Variants in SMCHD1 observed in about 807,000 individuals in gnomAD.
SMCHD1 encodes structural maintenance of chromosomes flexible hinge domain containing 1, also known as structural maintenance of chromosomes flexible hinge domain-containing protein 1.
Under a neutral mutation model 254.7 loss-of-function variants are expected in SMCHD1, and 78 were observed. The ratio of observed to expected loss-of-function variants is 0.31; its 90% CI spans 0.26 to 0.37. The LOEUF (loss-of-function observed/expected upper bound fraction) is 0.37, where lower values mean the gene tolerates loss of function less well. Ranked by LOEUF, SMCHD1 falls within the 10% of genes least tolerant of loss-of-function variation. The pLI is 1.00. For synonymous variants in SMCHD1, 766 were observed against 794.9 expected, an observed-to-expected ratio of 0.96 and a Z score of 0.61; for missense variants, 1,840 against 2,408.1, an observed-to-expected ratio of 0.76 and a Z score of 4.94.
chr18:2,660,302 G>T (rs1360776677), intron 1 of SMCHD1, among the ~76,000 whole-genome samples: 1 of 152,074 alleles, frequency 6.6e-6, no homozygotes, highest in Non-Finnish European at 1.5e-5. Context: ...TCTAGCCTGG[G>T]TGGCAGAGCG....
At chr18:2,694,935 T>G (rs572860656) in intron 8 of SMCHD1, among the ~76,000 whole-genome samples, 1 of 152,336 alleles carries the variant, frequency 6.6e-6, no homozygotes, top group East Asian at 1.9e-4. Context: ...TTTGACAATA[T>G]TATAAAATTA....
chr18:2,732,420 T>G lies in SMCHD1; in HGVS notation c.3204T>G (p.Asn1068Lys). 6.2e-7 allele frequency: 1 copy of G among 1,613,060 alleles called. No homozygotes were observed. The highest frequency in any genetic ancestry group is 1.1e-5 in the South Asian group (1 of 91,052). ...GGATAGCGGGTGATATTATGCATAA[T>G]CTTATTTTTCAAATGTATGATGAAG... is the stretch of plus-strand genomic sequence containing the variant. ...VNWIAGDIMH[N>K]LIFQMYDEGE... The change falls in exon 25 of 48, where the codon AAT becomes AAG. Residue 1068 changes from asparagine to lysine, a missense_variant. Around this residue, in one of 9 missense-constraint regions of SMCHD1, gnomAD observed 881 missense variants for 1,009.5 expected, o/e 0.87. Transcript: ENST00000320876.
chr18:2,790,988 C>T (rs2076310303), intron 45 of SMCHD1, among the ~76,000 whole-genome samples: 1 of 151,952 alleles, frequency 6.6e-6, no homozygotes, highest in African/African-American at 2.4e-5. Flanking sequence ...GATTGTGTAA[C>T]AGTATACCTA....
chr18:2,782,298 G>T (rs1598440720), intron 44 of SMCHD1, among the ~76,000 whole-genome samples: 1 of 152,052 alleles, frequency 6.6e-6, no homozygotes, highest in Non-Finnish European at 1.5e-5. Context: ...CAAGGTTGAG[G>T]GAGAATTGAG....
In SMCHD1 at chr18:2,688,421, A is replaced by T. The variant is rs1335936592; in HGVS notation, c.666A>T (p.Val222=). The change falls in exon 6 of 48, where the codon GTA becomes GTT. Residue 222 remains valine, a synonymous_variant. Coordinates refer to ENST00000320876, the MANE Select transcript of SMCHD1 (RefSeq NM_015295.3). Reference sequence around the variant, plus strand: ...ATCATTCAGGATATGTTCGTCCAGTACCAGTGCCACGCAGTTTAAATAGTG... The same window carrying T: ...ATCATTCAGGATATGTTCGTCCAGTTCCAGTGCCACGCAGTTTAAATAGTG... The part of the protein sequence containing the change: ...ESDHSGYVRP[V]PVPRSLNSDI... 1 of 1,613,556 alleles carries T rather than the reference A, an allele frequency of 6.2e-7. No homozygotes were observed. Among genetic ancestry groups the T allele is most frequent in the African/African-American group, 1.3e-5 (1 of 75,054 alleles).
At position 2,700,574 on chromosome 18, in the gene SMCHD1, A is replaced by G; in HGVS notation, c.1378A>G (p.Ile460Val). 2 of 1,612,280 alleles carry G rather than the reference A, an allele frequency of 1.2e-6. No individual in the cohort carries two copies. The highest frequency in any genetic ancestry group is 2.2e-5 in the South Asian group (2 of 90,874). The change falls in exon 11 of 48, where the codon ATA becomes GTA. Residue 460 changes from isoleucine to valine, a missense_variant. Around this residue, in one of 9 missense-constraint regions of SMCHD1, gnomAD observed 498 missense variants for 743.5 expected, o/e 0.67. Coordinates refer to ENST00000320876, the MANE Select transcript of SMCHD1 (RefSeq NM_015295.3). ...TGAAGATGATGAAGATGATTGTTTC[A>G]TACTTGAGAAAGCAGCTAGAGGGAA... ...KDEDDEDDCFILEKAARGKRP... is the reference protein window; with the variant it reads ...KDEDDEDDCFVLEKAARGKRP...
intron 8 of SMCHD1, among the ~76,000 whole-genome samples, chr18:2,695,146 A>T (rs943390303): frequency 9.2e-5 from 14 of 152,174 alleles, no homozygotes; most frequent in African/African-American, 3.4e-4. Context: ...CAAGTGAATG[A>T]ATGCATCAAG....
In SMCHD1 at chr18:2,688,696, G is replaced by A; in HGVS notation, c.822G>A (p.Lys274=). Residue 274 remains lysine (K), a synonymous_variant, in exon 7 of 48, where the codon AAG becomes AAA. Coordinates refer to ENST00000320876, the MANE Select transcript of SMCHD1 (RefSeq NM_015295.3). ...ELVLSKEDFE[K]KEKNKEAIYS... ...TGCTTTCTAAAGAAGATTTTGAGAA[G>A]AAGGAGAAAAATAAAGAGGCAATAT... 2.0e-6 allele frequency: 3 copies of A among 1,528,920 alleles called. No individual in the cohort carries two copies. Among genetic ancestry groups the A allele is most frequent in the Non-Finnish European group, 2.7e-6 (3 of 1,124,410 alleles). The allele number at this position is 1,528,920 out of a possible 1,614,324, so 94.7% of individuals were successfully genotyped here.
intron 5 of SMCHD1, 36 bp downstream of exon 5, chr18:2,674,181 C>G: frequency 6.6e-7 from 1 of 1,523,014 alleles, no homozygotes; most frequent in Non-Finnish European, 8.8e-7. Context: ...TTGTGGGTAG[C>G]TATGTATTTT....
At chr18:2,758,212 G>GT (rs1382713068) in intron 34 of SMCHD1, among the ~76,000 whole-genome samples, 1 of 151,964 alleles carries the variant, frequency 6.6e-6, no homozygotes, top group Non-Finnish European at 1.5e-5. Context: ...TGATCTAACT[G>GT]TTTTTTCCCT....
chr18:2,769,869 T>C (rs1174819155), intron 38 of SMCHD1, 49 bp downstream of exon 38: 10 of 1,567,994 alleles, frequency 6.4e-6, no homozygotes, highest in South Asian at 1.2e-5. Context: ...AGTGATACTT[T>C]AGATAACCTT....
chr18:2,724,975 G>A lies in SMCHD1; in HGVS notation c.2680G>A (p.Val894Ile), dbSNP rs763061108. 1.9e-6 allele frequency: 3 copies of A among 1,582,010 alleles called. No individual in the cohort carries two copies. Among genetic ancestry groups the A allele is most frequent in the Non-Finnish European group, 1.7e-6 (2 of 1,159,980 alleles). The stretch of plus-strand genomic sequence containing the variant: ...TCGAGGTGTTACAGCCAAGGGCCCT[G>A]TAAACTCTTGTCAAGGCAAGGTAAG... ...VIRGVTAKGP[V>I]NSCQGKNYNL... Residue 894 changes from valine (V) to isoleucine (I), a missense_variant, in exon 21 of 48, where the codon GTA becomes ATA. By Grantham distance (29) the Val-to-Ile change is conservative. Around this residue, in one of 9 missense-constraint regions of SMCHD1, gnomAD observed 881 missense variants for 1,009.5 expected, o/e 0.87. Transcript: ENST00000320876.
At chr18:2,799,270 T>A (rs566466383) in intron 47 of SMCHD1, among the ~76,000 whole-genome samples, 12 of 152,280 alleles carry the variant, frequency 7.9e-5, no homozygotes, top group East Asian at 5.8e-4. Context: ...TCTTTTTTTT[T>A]AAATACAAAG....
chr18:2,706,766 C>A (rs1425988575), intron 15 of SMCHD1, among the ~76,000 whole-genome samples: 4 of 152,294 alleles, frequency 2.6e-5, no homozygotes, highest in Admixed American at 2.6e-4. Flanking sequence ...TAGGATATTA[C>A]AATACCTGCT....
chr18:2,775,671 A>T, intron 41 of SMCHD1, 63 bp from the exon 42 acceptor site: 1 of 1,434,500 alleles, frequency 7.0e-7, no homozygotes. Flanking sequence ...TGGGCTTTTA[A>T]CATAATATCA....
At chr18:2,722,088 C>T (rs1160227087) in intron 19 of SMCHD1, among the ~76,000 whole-genome samples, 2 of 152,136 alleles carry the variant, frequency 1.3e-5, no homozygotes, top group African/African-American at 2.4e-5. Flanking sequence ...TCATGTCGAG[C>T]TTCTATTTAA....
intron 28 of SMCHD1, among the ~76,000 whole-genome samples, chr18:2,742,414 C>A (rs985725307): frequency 6.6e-6 from 1 of 152,280 alleles, no homozygotes; most frequent in African/African-American, 2.4e-5. Context: ...AAAGAAATCA[C>A]CCCTTCAGAA....
At chr18:2,721,530 G>A (rs928757887) in intron 19 of SMCHD1, among the ~76,000 whole-genome samples, 1 of 151,964 alleles carries the variant, frequency 6.6e-6, no homozygotes, top group Admixed American at 6.6e-5. Flanking sequence ...CAAGTTTTTG[G>A]CTATTAGAAA....
intron 25 of SMCHD1, 89 bp downstream of exon 25, chr18:2,732,581 T>A: frequency 1.3e-6 from 1 of 766,248 alleles, no homozygotes; most frequent in Non-Finnish European, 2.0e-6. Flanking sequence ...GGGTAGCATC[T>A]AAAAAAGAAG....
Sources: allele counts gnomAD v4.1 joint callset (sites outside exome capture counted in the v4.1 genomes callset), GRCh38; gene constraint gnomAD v4.1.1; regional missense constraint gnomAD v4.1.1; transcripts MANE v1.5; gene names NCBI Gene and HGNC (gene_info 2026-07-23, HGNC 2026-07-21).